Variants in PDE4D observed in about 807,000 individuals in gnomAD.
PDE4D encodes phosphodiesterase 4D.
PDE4D carries 24 observed loss-of-function variants against 87.4 expected under a neutral mutation model. The ratio of observed to expected loss-of-function variants is 0.27; its 90% CI spans 0.20 to 0.39. The LOEUF (loss-of-function observed/expected upper bound fraction) is 0.39. PDE4D is among the 10% of genes least tolerant of loss of function. PDE4D has a pLI of 1.00. For synonymous variants in PDE4D, 384 were observed against 383.2 expected (o/e 1.00, Z -0.02); for missense variants, 714 against 1,041.0 (o/e 0.69, Z 4.32).
In PDE4D at chr5:59,812,128, GC is replaced by G. The variant is rs1456522538; in HGVS notation, c.455+81039del. On this transcript the variant is annotated intron_variant, in intron 1 of 14. Coordinates refer to ENST00000340635, the MANE Select transcript of PDE4D (RefSeq NM_001104631.2). ...CTATGTTCTCCTGAGCCTTACAATG[GC>G]CTTTCCTCCCTCTGCATGTCTGTTC... Among the ~76,000 whole-genome samples, 5 of 152,248 alleles carry G rather than the reference GC, an allele frequency of 3.3e-5. No homozygotes were observed. In the South Asian group the frequency reaches 1.0e-3, roughly 32 times the overall value.
intron 1 of PDE4D, among the ~76,000 whole-genome samples, chr5:59,804,296 G>A (rs1285023120): frequency 2.0e-5 from 3 of 152,130 alleles, no homozygotes; most frequent in Non-Finnish European, 2.9e-5. Flanking sequence ...CCTGAGTTAC[G>A]TCTCTTAGAA....
intron 1 of PDE4D, among the ~76,000 whole-genome samples, chr5:59,888,902 T>A (rs947781923): frequency 2.0e-5 from 3 of 152,126 alleles, no homozygotes; most frequent in African/African-American, 7.2e-5. Context: ...CAATATGTTT[T>A]CTTTATTTAA....
At chr5:59,615,677 C>T (rs1047816360) in intron 1 of PDE4D, among the ~76,000 whole-genome samples, 2 of 152,182 alleles carry the variant, frequency 1.3e-5, no homozygotes, top group East Asian at 1.9e-4. Flanking sequence ...CAATACAGTT[C>T]ACATTTCAGT....
intron 5 of PDE4D, among the ~76,000 whole-genome samples, chr5:59,087,443 C>T (rs993590393): frequency 3.3e-5 from 5 of 152,020 alleles, no homozygotes; most frequent in Admixed American, 6.6e-5. Flanking sequence ...CCATGATTGC[C>T]ACTGCTCTCC....
chr5:60,025,625 T>C (rs893603097), intron 2 of PDE4D, among the ~76,000 whole-genome samples: 7 of 152,126 alleles, frequency 4.6e-5, no homozygotes, highest in African/African-American at 1.4e-4. Flanking sequence ...GAGAAGAGAC[T>C]TAGAAAGCTT....
intron 1 of PDE4D, among the ~76,000 whole-genome samples, chr5:59,603,360 A>C (rs984466885): frequency 6.6e-6 from 1 of 151,992 alleles, no homozygotes; most frequent in Non-Finnish European, 1.5e-5. Context: ...CATTTTTCAA[A>C]AGACTTACAA....
At chr5:59,773,848 A>T (rs999833789) in intron 1 of PDE4D, among the ~76,000 whole-genome samples, 11 of 152,168 alleles carry the variant, frequency 7.2e-5, no homozygotes, top group African/African-American at 2.7e-4. Context: ...TAGTAGGCAG[A>T]GATTTCCAAA....
chr5:60,162,774 T>C (rs1479594610), intron 2 of PDE4D, among the ~76,000 whole-genome samples: 1 of 151,722 alleles, frequency 6.6e-6, no homozygotes, highest in East Asian at 1.9e-4. Flanking sequence ...AAAAAAAAGA[T>C]GCTACCCAAC....
chr5:60,395,262 A>G (rs570034216), intron 1 of PDE4D, among the ~76,000 whole-genome samples: 10 of 152,096 alleles, frequency 6.6e-5, no homozygotes, highest in South Asian at 2.1e-4. Flanking sequence ...CCAATCAACC[A>G]GAGACCACTA....
intron 1 of PDE4D, chr5:59,314,314 C>G (rs1227183317): frequency 1.3e-5 from 2 of 152,110 alleles, no homozygotes; most frequent in Non-Finnish European, 2.9e-5. Flanking sequence ...CCACAAGGAA[C>G]AGGTGTAACC....
At chr5:60,171,493 A>G (rs1471980346) in intron 2 of PDE4D, among the ~76,000 whole-genome samples, 1 of 152,098 alleles carries the variant, frequency 6.6e-6, no homozygotes, top group Admixed American at 6.5e-5. Context: ...AAATGCATGG[A>G]TCTGAGGTAG....
intron 5 of PDE4D, among the ~76,000 whole-genome samples, chr5:59,134,771 G>T (rs762352472): frequency 6.6e-6 from 1 of 152,146 alleles, no homozygotes; most frequent in African/African-American, 2.4e-5. Context: ...TTCTCATAGT[G>T]AGGGTGGTCT....
At chr5:59,844,784 G>A (rs915238040) in intron 1 of PDE4D, among the ~76,000 whole-genome samples, 3 of 152,062 alleles carry the variant, frequency 2.0e-5, no homozygotes, top group Non-Finnish European at 4.4e-5. Context: ...TGGAGAAGGT[G>A]GAGGGATTTT....
intron 1 of PDE4D, among the ~76,000 whole-genome samples, chr5:59,603,592 C>A (rs1310710299): frequency 6.6e-6 from 1 of 151,872 alleles, no homozygotes; most frequent in African/African-American, 2.4e-5. Context: ...TATGGAGGTT[C>A]TTTGAATAAT....
intron 2 of PDE4D, among the ~76,000 whole-genome samples, chr5:60,046,385 C>A (rs535316778): frequency 6.6e-6 from 1 of 152,292 alleles, no homozygotes; most frequent in Admixed American, 6.5e-5. Context: ...TTGCTCTGGT[C>A]AGAACTTCCA....
At chr5:60,200,567 T>C (rs1321135724) in intron 1 of PDE4D, among the ~76,000 whole-genome samples, 1 of 152,206 alleles carries the variant, frequency 6.6e-6, no homozygotes, top group Non-Finnish European at 1.5e-5. Context: ...TCTTTAACCA[T>C]AGCTGAATTT....
chr5:60,034,998 G>A (rs1407823668), intron 2 of PDE4D, among the ~76,000 whole-genome samples: 1 of 152,160 alleles, frequency 6.6e-6, no homozygotes, highest in Non-Finnish European at 1.5e-5. Context: ...GCTCACACCT[G>A]TAATCCCAGC....
intron 6 of PDE4D, among the ~76,000 whole-genome samples, chr5:59,029,943 A>T (rs1475948680): frequency 6.6e-6 from 1 of 152,218 alleles, no homozygotes; most frequent in Non-Finnish European, 1.5e-5. Flanking sequence ...GAGAGAGGAC[A>T]GTCTCTTCAA....
In PDE4D at chr5:60,335,985, G is replaced by T. The variant is rs1233118437; in HGVS notation, c.-89-150298C>A. ...CTATTATCAAGCAGCTTAGCAGCATGGTCACTTGGTCAGGGCTCTGGGGTT... is the reference window on the plus strand; with the variant it reads ...CTATTATCAAGCAGCTTAGCAGCATTGTCACTTGGTCAGGGCTCTGGGGTT... On this transcript the variant is annotated intron_variant, in intron 1 of 16. Coordinates refer to the PDE4D transcript ENST00000502484. Among the ~76,000 whole-genome samples, 3 of 152,208 alleles carry T rather than the reference G, an allele frequency of 2.0e-5. No individual in the cohort carries two copies. The East Asian group carries it at 5.8e-4, about 29-fold the overall frequency.
Sources: gnomAD v4.1 joint callset for allele counts (sites outside exome capture counted in the v4.1 genomes callset) on GRCh38, gnomAD v4.1.1 for gene constraint, MANE v1.5 for transcripts, NCBI Gene and HGNC (gene_info 2026-07-23, HGNC 2026-07-21) for gene names.